FGD2: variants seen among roughly 807,000 people sequenced by gnomAD.
FGD2 encodes the protein FYVE, RhoGEF and PH domain-containing protein 2.
A neutral mutation model predicts 75.9 loss-of-function variants in FGD2; 52 were observed. That is an observed-to-expected ratio of 0.69 (90% CI 0.55 to 0.86). The LOEUF (loss-of-function observed/expected upper bound fraction) is 0.86. FGD2 is among the 40% of genes least tolerant of loss of function. The probability of loss-of-function intolerance (pLI) is 0.00; values close to 1 mark genes in which losing one functional copy is unlikely to be tolerated. For synonymous variants in FGD2, 347 were observed against 348.6 expected (o/e 1.00, Z 0.05); for missense variants, 790 against 872.0 (o/e 0.91, Z 1.18).
chr6:37,014,671 TGC>T lies in FGD2; in HGVS notation c.850_851del (p.Ala284ProfsTer9). ...QKALDMIFSAAQHSNAAITEM... is the reference protein window; with the variant it reads ...QKALDMIFSAXQHSNAAITEM... ...AAGCCCTGGACATGATCTTCTCAGC[TGC>T]CCAGCACTCCAATGCAGCCATCACT... On this transcript the variant is annotated frameshift_variant, in exon 7 of 16. Coordinates refer to ENST00000274963, the MANE Select transcript of FGD2 (RefSeq NM_173558.4). LOFTEE classifies it high-confidence loss of function. The T allele has an allele frequency of 6.2e-7, 1 of 1,613,950 alleles. No homozygotes were observed. Among genetic ancestry groups the T allele is most frequent in the Non-Finnish European group, 8.5e-7 (1 of 1,180,010 alleles).
In FGD2 at chr6:37,020,615, A is replaced by T. The variant is rs768699381; in HGVS notation, c.1197A>T (p.Gln399His). The T allele has an allele frequency of 1.2e-5, 19 of 1,602,410 alleles. No homozygotes were observed. In the South Asian group the frequency reaches 2.0e-4, roughly 17 times the overall value. The change falls in exon 10 of 16, where the codon CAA becomes CAT. Residue 399 changes from glutamine (Q) to histidine (H), a missense_variant. By Grantham distance (24) the Gln-to-His change is conservative. Coordinates refer to ENST00000274963, the MANE Select transcript of FGD2 (RefSeq NM_173558.4). ...VSGKQRTLEL[Q>H]ARSQEEMISW... is the part of the protein sequence containing the mutation. ...GGAAGCAGCGCACCCTGGAGCTGCA[A>T]GCCCGGTAAAGGAGCTGGGGTGGCG...
chr6:37,024,311 G>A (rs1241064876), intron 13 of FGD2: 1 of 152,054 alleles, frequency 6.6e-6, no homozygotes, highest in Non-Finnish European at 1.5e-5. Flanking sequence ...CTGTACTCCA[G>A]CCCAGGCAAC....
In FGD2 at chr6:37,025,875, C is replaced by T. The variant is rs756823723; in HGVS notation, c.1542C>T (p.Tyr514=). ...NRPNRVCLHC[Y]AFLTGNVLPE... ...CCAACCGAGTCTGCCTCCACTGCTACGCATTCCTCACTGGAAATGTGCTGC... is the reference window on the plus strand; with the variant it reads ...CCAACCGAGTCTGCCTCCACTGCTATGCATTCCTCACTGGAAATGTGCTGC... Residue 514 remains tyrosine (Y), a synonymous_variant, in exon 14 of 16, where the codon TAC becomes TAT. Coordinates refer to ENST00000274963, the MANE Select transcript of FGD2 (RefSeq NM_173558.4). The T allele has an allele frequency of 2.6e-5, 42 of 1,614,048 alleles. No homozygotes were observed. The highest frequency in any genetic ancestry group is 1.7e-4 in the African/African-American group (13 of 74,928).
chr6:37,010,911 T>A, intron 2 of FGD2, 62 bp from the exon 3 acceptor site: 1 of 1,509,812 alleles, frequency 6.6e-7, no homozygotes, highest in Non-Finnish European at 9.2e-7. Context: ...GAGGTCCCCA[T>A]CAGAGGAGAC....
intron 3 of FGD2, 101 bp downstream of exon 3, chr6:37,011,151 G>C (rs2150769517): frequency 8.4e-7 from 1 of 1,193,592 alleles, no homozygotes; most frequent in East Asian, 2.5e-5. Flanking sequence ...TGAGTCAGGA[G>C]CCCTGGCTTT....
Position 37,013,708 on chromosome 6 carries a change from G to T in FGD2, c.627G>T (p.Leu209=). The change falls in exon 5 of 16, where the codon CTG becomes CTT. Residue 209 remains leucine (L), a synonymous_variant. Transcript: ENST00000274963. ...YVKNFERAAE[L]LATWTDKSPL... is the part of the protein sequence containing the mutation. ...AGAACTTTGAGCGAGCGGCTGAGCT[G>T]CTGGCCACCTGGACCGACAAGTCTC... is the stretch of plus-strand genomic sequence containing the variant. 6.2e-7 allele frequency: 1 copy of T among 1,614,100 alleles called. No individual in the cohort carries two copies. Among genetic ancestry groups the T allele is most frequent in the Non-Finnish European group, 8.5e-7 (1 of 1,179,982 alleles).
chr6:37,023,006 T>A (rs1028915475), intron 13 of FGD2: 1 of 155,526 alleles, frequency 6.4e-6, no homozygotes, highest in Non-Finnish European at 1.5e-5. Flanking sequence ...CTTATCATCA[T>A]TTTCCACGAC....
At chr6:37,010,926 G>A in intron 2 of FGD2, 47 bp from the exon 3 acceptor site, 1 of 1,588,026 alleles carries the variant, frequency 6.3e-7, no homozygotes, top group Middle Eastern at 1.7e-4. Context: ...GGAGACCAAA[G>A]CTGTCTTCCC....
intron 8 of FGD2, among the ~76,000 whole-genome samples, chr6:37,015,456 A>C (rs1356596092): frequency 6.6e-6 from 1 of 152,192 alleles, no homozygotes; most frequent in Admixed American, 6.5e-5. Flanking sequence ...GGGAACAGAG[A>C]TATAACCTCT....
chr6:37,006,297 G>A (rs1764747539), intron 1 of FGD2, among the ~76,000 whole-genome samples: 1 of 152,206 alleles, frequency 6.6e-6, no homozygotes, highest in Non-Finnish European at 1.5e-5. Context: ...AATAAAATGT[G>A]GTGGTTGTGG....
In FGD2 at chr6:37,015,037, T is replaced by C. The variant is rs773638996; in HGVS notation, c.1028T>C (p.Leu343Ser). 26 of 1,612,600 alleles carry C rather than the reference T, an allele frequency of 1.6e-5. No individual in the cohort carries two copies. The highest frequency in any genetic ancestry group is 2.5e-6 in the Non-Finnish European group (3 of 1,179,280). ...RNDPMERYLF[L>S]FNNMLLYCVP... Reference sequence around the variant, plus strand: ...GACCCCATGGAGCGCTACCTTTTCTTGGTAAGAGGGTGCTGGGAGCTCCTC... The same window carrying C: ...GACCCCATGGAGCGCTACCTTTTCTCGGTAAGAGGGTGCTGGGAGCTCCTC... The change falls in exon 8 of 16, where the codon TTG becomes TCG. Residue 343 changes from leucine to serine, a missense_variant and splice_region_variant. By Grantham distance (145) the Leu-to-Ser change is moderately radical (BLOSUM62 -2). Transcript: ENST00000274963.
At chr6:37,013,561 C>G in intron 4 of FGD2, 48 bp from the exon 5 acceptor site, 1 of 1,589,088 alleles carries the variant, frequency 6.3e-7, no homozygotes, top group Non-Finnish European at 8.6e-7. Flanking sequence ...TATCTAGAGT[C>G]GAGAGGAGGT....
chr6:37,022,458 GC>G, intron 13 of FGD2, 88 bp downstream of exon 13: 1 of 1,465,834 alleles, frequency 6.8e-7, no homozygotes, highest in Non-Finnish European at 9.0e-7. Flanking sequence ...TCCTACCTAG[GC>G]CTCCGCTTGA....
Position 37,005,767 on chromosome 6 carries a change from C to T in FGD2, c.-51C>T. The T allele has an allele frequency of 6.3e-7, 1 of 1,583,562 alleles. No homozygotes were observed. Among genetic ancestry groups the T allele is most frequent in the Non-Finnish European group, 8.7e-7 (1 of 1,155,638 alleles). ...CGTGGCTGAGTGTGCTGGCTGGAGG[C>T]CTCTCTCTCTGCTTCGAGGGTAGCT... On this transcript the variant is annotated 5_prime_UTR_variant, in exon 1 of 16. Coordinates refer to ENST00000274963, the MANE Select transcript of FGD2 (RefSeq NM_173558.4).
At chr6:37,011,886 G>A (rs1173617771) in intron 4 of FGD2, 32 bp downstream of exon 4, 1 of 1,609,024 alleles carries the variant, frequency 6.2e-7, no homozygotes, top group South Asian at 1.1e-5. Context: ...TGAGGCCTCA[G>A]ACCACAGCCC....
rs1476249665 is a variant in FGD2 at position 37,027,554 on chromosome 6, C to A, written c.1731C>A (p.Leu577=). 6.2e-7 allele frequency: 1 copy of A among 1,614,006 alleles called. No homozygotes were observed. The highest frequency in any genetic ancestry group is 1.7e-5 in the Admixed American group (1 of 60,002). The change falls in exon 15 of 16, where the codon CTC becomes CTA. Residue 577 remains leucine (L), a synonymous_variant. Coordinates refer to ENST00000274963, the MANE Select transcript of FGD2 (RefSeq NM_173558.4). The part of the protein sequence containing the change: ...CVIPRDDPLV[L]YVYAAPQDMR... ...TCCCTCGGGATGACCCCCTCGTGCTCTATGTCTATGCTGCCCCTCAGGTAA... is the reference window on the plus strand; with the variant it reads ...TCCCTCGGGATGACCCCCTCGTGCTATATGTCTATGCTGCCCCTCAGGTAA...
rs537379327 is a variant in FGD2, at chr6:37,022,127, A to C, written c.1327-112A>C. Reference sequence around the variant, plus strand: ...TGCTGTAGAAGCCCCAGGGAAGCCCAACACAAAGAATCCCTGCTACAGCAG... The same window carrying C: ...TGCTGTAGAAGCCCCAGGGAAGCCCCACACAAAGAATCCCTGCTACAGCAG... On this transcript the variant is annotated intron_variant, in intron 12 of 15. Transcript: ENST00000274963. 3 of 1,423,182 alleles carry C rather than the reference A, an allele frequency of 2.1e-6. No homozygotes were observed. In the African/African-American group the frequency reaches 4.4e-5, roughly 21 times the overall value. The allele number at this position is 1,423,182 out of a possible 1,614,324, so 88.2% of individuals were successfully genotyped here.
intron 4 of FGD2, among the ~76,000 whole-genome samples, chr6:37,012,873 G>A (rs1765079170): frequency 6.6e-6 from 1 of 151,118 alleles, no homozygotes; most frequent in Admixed American, 6.6e-5. Context: ...CAGGAGTCAG[G>A]CTCAGGAAGC....
Position 37,005,962 on chromosome 6 carries a change from T to C in FGD2, c.68+77T>C, listed in dbSNP as rs531070762. 3.7e-5 allele frequency: 57 copies of C among 1,527,288 alleles called. No homozygotes were observed. The African/African-American group carries it at 7.2e-4, about 19-fold the overall frequency. The allele number at this position is 1,527,288 out of a possible 1,614,324, so 94.6% of individuals were successfully genotyped here. On this transcript the variant is annotated intron_variant, in intron 1 of 15. Coordinates refer to ENST00000274963, the MANE Select transcript of FGD2 (RefSeq NM_173558.4). ...CCAGCCTTTCTGGCAGCTCTCTCCC[T>C]GGGCCCTGCCCCGGACCCTCCTCCT... is the stretch of plus-strand genomic sequence containing the variant.
Sources: allele counts gnomAD v4.1 joint callset (sites outside exome capture counted in the v4.1 genomes callset), GRCh38; gene constraint gnomAD v4.1.1; transcripts MANE v1.5; gene names NCBI Gene and HGNC (gene_info 2026-07-23, HGNC 2026-07-21).